Variants in PEPD observed in about 807,000 individuals in gnomAD.
PEPD encodes the protein peptidase D, also known as xaa-Pro dipeptidase.
Under a neutral mutation model 60.7 loss-of-function variants are expected in PEPD, and 53 were observed. The observed-to-expected ratio is 0.87, with a 90% CI of 0.70 to 1.10. PEPD has a LOEUF of 1.10. PEPD is among the 50% of genes least tolerant of loss of function. The pLI is 0.00. For synonymous variants in PEPD, 267 were observed against 284.1 expected, an observed-to-expected ratio of 0.94 and a Z score of 0.60; for missense variants, 711 against 711.9, an observed-to-expected ratio of 1.00 and a Z score of 0.01.
chr19:33,500,968 A>G lies in PEPD; in HGVS notation c.363T>C (p.Tyr121=), dbSNP rs1970699276. ...IHSKEHFKEK[Y]AVDDVQYVDE... ...CTACGTACTGGACGTCGTCCACGGC[A>G]TACTTCTCCTTGAAGTGCTCCTTGG... Residue 121 remains tyrosine (Y), a synonymous_variant, in exon 4 of 15, where the codon TAT becomes TAC. Coordinates refer to ENST00000244137, the MANE Select transcript of PEPD (RefSeq NM_000285.4). The G allele has an allele frequency of 1.2e-6, 2 of 1,606,528 alleles. No homozygotes were observed. Among genetic ancestry groups the G allele is most frequent in the South Asian group, 2.2e-5 (2 of 90,916 alleles).
intron 4 of PEPD, among the ~76,000 whole-genome samples, chr19:33,500,455 G>A (rs1223072815): frequency 6.6e-6 from 1 of 152,180 alleles, no homozygotes; most frequent in Non-Finnish European, 1.5e-5. Context: ...CAGGCCACAC[G>A]ACACCTGCTG....
At chr19:33,427,432 C>T (rs780604492) in intron 9 of PEPD, among the ~76,000 whole-genome samples, 1 of 152,198 alleles carries the variant, frequency 6.6e-6, no homozygotes, top group Non-Finnish European at 1.5e-5. Context: ...AGCAGGATGT[C>T]CACTTTGGCT....
chr19:33,422,464 A>C (rs1031958485), intron 9 of PEPD, among the ~76,000 whole-genome samples: 16 of 111,762 alleles, frequency 1.4e-4, no homozygotes, highest in Non-Finnish European at 2.4e-4. Flanking sequence ...CCATCCATCT[A>C]TCACTCTATC....
At chr19:33,417,404 G>A (rs1351113874) in intron 9 of PEPD, among the ~76,000 whole-genome samples, 1 of 152,170 alleles carries the variant, frequency 6.6e-6, no homozygotes, top group Non-Finnish European at 1.5e-5. Flanking sequence ...CCTGAGGTGG[G>A]GAGGGTGTGT....
rs568864535 is a variant in PEPD, at chr19:33,424,288, G to C, written c.672-10645C>G. 7.9e-5 allele frequency among the ~76,000 whole-genome samples: 12 copies of C among 152,372 alleles called. No individual in the cohort carries two copies. In the East Asian group the frequency reaches 1.5e-3, roughly 20 times the overall value. On this transcript the variant is annotated intron_variant, in intron 9 of 14. Coordinates refer to ENST00000244137, the MANE Select transcript of PEPD (RefSeq NM_000285.4). The stretch of plus-strand genomic sequence containing the variant: ...GGAGGCTGACAACACAGAACCGAAA[G>C]AAATTCAAAGCTCGCAGTACCCGCC...
At chr19:33,453,317 A>AAAAAAATAAATAAAT (rs1555762504) in intron 9 of PEPD, among the ~76,000 whole-genome samples, 65 of 148,754 alleles carry the variant, frequency 4.4e-4, no homozygotes, top group African/African-American at 1.5e-3. Context: ...CTGTCATAAA[A>AAAAAAATAAATAAAT]AAATAAATAA....
intron 9 of PEPD, among the ~76,000 whole-genome samples, chr19:33,450,190 C>A (rs148779566): frequency 0.011 from 1,699 of 152,320 alleles, 24 homozygotes; most frequent in South Asian, 0.071. Flanking sequence ...CCCTCCAGAC[C>A]CCCCGTGCTG....
At chr19:33,512,921 T>C in intron 1 of PEPD, 145 bp from the exon 2 acceptor site, 1 of 841,870 alleles carries the variant, frequency 1.2e-6, no homozygotes, top group South Asian at 1.4e-5. Context: ...CTCCACCTAC[T>C]TATGACCCAG....
At chr19:33,450,985 C>T (rs1480641356) in intron 9 of PEPD, among the ~76,000 whole-genome samples, 1 of 152,206 alleles carries the variant, frequency 6.6e-6, no homozygotes, top group Non-Finnish European at 1.5e-5. Context: ...TAACCCCTCC[C>T]TAAAAATGTC....
chr19:33,509,269 TC>T (rs1970875351), intron 3 of PEPD, among the ~76,000 whole-genome samples: 1 of 152,212 alleles, frequency 6.6e-6, no homozygotes, highest in South Asian at 2.1e-4. Flanking sequence ...CCCGGGTGTG[TC>T]CACTCCGTGC....
chr19:33,422,818 A>ATATCTATCTATCTATCTATC (rs201899160), intron 9 of PEPD, among the ~76,000 whole-genome samples: 7,419 of 131,112 alleles, frequency 0.057, 310 homozygotes, highest in African/African-American at 0.1. Flanking sequence ...CCATCCTTCT[A>ATATCTATCTATCTATCTATC]TATCTATCTA....
chr19:33,515,983 A>G (rs1480777233), intron 1 of PEPD, among the ~76,000 whole-genome samples: 1 of 151,802 alleles, frequency 6.6e-6, no homozygotes, highest in Admixed American at 6.6e-5. Flanking sequence ...CTCCTTGAAC[A>G]CTCAGCTGCC....
chr19:33,401,968 C>G (rs1261661855), intron 11 of PEPD, 99 bp from the exon 12 acceptor site: 2 of 1,197,068 alleles, frequency 1.7e-6, no homozygotes, highest in Non-Finnish European at 2.4e-6. Context: ...GCAGCTGGCC[C>G]GGGTCCTGGA....
At chr19:33,494,825 G>A (rs1970569691) in intron 4 of PEPD, among the ~76,000 whole-genome samples, 1 of 152,216 alleles carries the variant, frequency 6.6e-6, no homozygotes, top group African/African-American at 2.4e-5. Context: ...ACCTATGGCT[G>A]TAGAATACTC....
chr19:33,387,419 G>A lies in PEPD; in HGVS notation c.1407C>T (p.Pro469=), dbSNP rs1409146500. 1.2e-6 allele frequency: 2 copies of A among 1,614,050 alleles called. No homozygotes were observed. Among genetic ancestry groups the A allele is most frequent in the Non-Finnish European group, 1.7e-6 (2 of 1,180,038 alleles). ...DSGIELLTCV[P]RTVEEIEACM... ...ATGCTTCAATCTCTTCCACAGTGCG[G>A]GGCACGCAGGTCAGCAGCTCTATGC... The change falls in exon 15 of 15, where the codon CCC becomes CCT. Residue 469 remains proline, a synonymous_variant. Transcript: ENST00000244137.
At position 33,387,957 on chromosome 19, in the gene PEPD, A is replaced by T; in HGVS notation, c.1277T>A (p.Leu426Gln). The T allele has an allele frequency of 6.3e-7, 1 of 1,597,522 alleles. No individual in the cohort carries two copies. Among genetic ancestry groups the T allele is most frequent in the Non-Finnish European group, 8.5e-7 (1 of 1,172,828 alleles). ...GAAGGAGGCGCGGGCCGGGTCCGCC[A>T]GGGCCTCATCCAGGAGGTGGTCGAT... ...YFIDHLLDEA[L>Q]ADPARASFLN... The change falls in exon 14 of 15, where the codon CTG becomes CAG. Residue 426 changes from leucine to glutamine, a missense_variant. Transcript: ENST00000244137.
At chr19:33,407,412 G>A (rs1024610014) in intron 11 of PEPD, among the ~76,000 whole-genome samples, 1 of 152,200 alleles carries the variant, frequency 6.6e-6, no homozygotes, top group African/African-American at 2.4e-5. Flanking sequence ...GTTTGTGGAA[G>A]GAGGGGGCAG....
intron 7 of PEPD, among the ~76,000 whole-genome samples, chr19:33,467,345 T>C (rs1970040125): frequency 6.7e-6 from 1 of 149,712 alleles, no homozygotes; most frequent in Non-Finnish European, 1.5e-5. Flanking sequence ...CACAGTTTTA[T>C]GGCTTTTTTT....
At chr19:33,519,529 C>T (rs1971090929) in intron 1 of PEPD, among the ~76,000 whole-genome samples, 2 of 152,208 alleles carry the variant, frequency 1.3e-5, no homozygotes, top group African/African-American at 4.8e-5. Flanking sequence ...TGGCTAGGAG[C>T]TGAGCTTTGC....
Sources: gnomAD v4.1 joint callset for allele counts (sites outside exome capture counted in the v4.1 genomes callset) on GRCh38, gnomAD v4.1.1 for gene constraint, MANE v1.5 for transcripts, NCBI Gene and HGNC (gene_info 2026-07-23, HGNC 2026-07-21) for gene names.